Variants in NFYB observed in about 807,000 individuals in gnomAD.
NFYB encodes the protein CAAT box DNA-binding protein subunit B.
A neutral mutation model predicts 28.0 loss-of-function variants in NFYB; 13 were observed. The ratio of observed to expected loss-of-function variants is 0.46; its 90% CI spans 0.30 to 0.74. The LOEUF (loss-of-function observed/expected upper bound fraction) is 0.74. NFYB is among the 30% of genes least tolerant of loss of function. The pLI is 0.07. For missense variants in NFYB, 142 were observed against 247.6 expected (o/e 0.57, Z 2.86); for synonymous variants, 74 against 75.0 (o/e 0.99, Z 0.07).
chr12:104,123,702 G>C (rs2030570145), intron 4 of NFYB, among the ~76,000 whole-genome samples: 1 of 152,172 alleles, frequency 6.6e-6, no homozygotes, highest in Non-Finnish European at 1.5e-5. Flanking sequence ...ACTCATGCCT[G>C]TAATCCCAGC....
chr12:104,123,117 A>G, intron 5 of NFYB, 109 bp downstream of exon 5: 2 of 777,074 alleles, frequency 2.6e-6, no homozygotes, highest in Non-Finnish European at 4.1e-6. Context: ...CAGAGGTTGC[A>G]GTGAGCCGAG....
intron 4 of NFYB, 110 bp downstream of exon 4, chr12:104,126,004 T>C: frequency 8.6e-7 from 1 of 1,157,560 alleles, no homozygotes; most frequent in Non-Finnish European, 1.2e-6. Flanking sequence ...TTTGATTTGC[T>C]GAAAGCCTGA....
rs984327446 is a variant in NFYB at position 104,118,778 on chromosome 12, CA to C, written c.*958del. The C allele has an allele frequency of 9.9e-5, 15 of 152,072 alleles. No homozygotes were observed. The highest frequency in any genetic ancestry group is 2.4e-5 in the African/African-American group (1 of 41,394). 9.4% of individuals were successfully genotyped at this position (152,072 alleles called of 1,614,324 possible). The stretch of plus-strand genomic sequence containing the variant: ...CACTCACCCATGCAAAAGGTCTGTA[CA>C]CGCAATGATGTCTGATGTTTCTTGG... On this transcript the variant is annotated 3_prime_UTR_variant, in exon 8 of 8. Coordinates refer to ENST00000240055, the MANE Select transcript of NFYB (RefSeq NM_006166.4).
intron 5 of NFYB, among the ~76,000 whole-genome samples, chr12:104,122,888 A>G (rs1056977393): frequency 1.3e-5 from 2 of 152,158 alleles, no homozygotes; most frequent in Non-Finnish European, 2.9e-5. Flanking sequence ...TAAAAGCACA[A>G]TGGGGGCCGG....
chr12:104,123,285 T>C lies in NFYB; in HGVS notation c.370A>G (p.Thr124Ala). The change falls in exon 5 of 8, where the codon ACT (threonine) becomes GCT (alanine). Residue 124 changes from threonine to alanine, a missense_variant. Around this residue, in one of 2 missense-constraint regions of NFYB, gnomAD observed 88 missense variants for 189.5 expected, o/e 0.46. Transcript: ENST00000240055. ...NGEDILFAMSTLGFDSYVEPL... is the reference protein window; with the variant it reads ...NGEDILFAMSALGFDSYVEPL... ...TCCACATAACTGTCAAAGCCTAAAG[T>C]AGACATAGCAAAGAGAATATCTTCT... The C allele has an allele frequency of 6.2e-7, 1 of 1,614,128 alleles. No individual in the cohort carries two copies. Among genetic ancestry groups the C allele is most frequent in the Non-Finnish European group, 8.5e-7 (1 of 1,179,994 alleles).
At chr12:104,137,612 C>T (rs1376351609) in intron 1 of NFYB, 1 of 151,582 alleles carries the variant, frequency 6.6e-6, no homozygotes, top group Admixed American at 6.6e-5. Flanking sequence ...CTGCCTCCCA[C>T]CCGCCGCGCG....
rs554254327 is a variant in NFYB at position 104,132,898 on chromosome 12, G to A, written c.6+2550C>T. Among the ~76,000 whole-genome samples the A allele has an allele frequency of 1.3e-4, 20 of 152,286 alleles. No homozygotes were observed. In the South Asian group the frequency reaches 1.7e-3, roughly 13 times the overall value. On this transcript the variant is annotated intron_variant, in intron 2 of 7. Coordinates refer to ENST00000240055, the MANE Select transcript of NFYB (RefSeq NM_006166.4). The stretch of plus-strand genomic sequence containing the variant: ...ATGTAGGATAATGACAAGGGGACAC[G>A]GACAGTGATGAATCGTTAGACTCAA...
At chr12:104,137,730 G>T (rs888804271) in intron 1 of NFYB, 9 of 147,938 alleles carry the variant, frequency 6.1e-5, no homozygotes, top group Admixed American at 2.7e-4. Context: ...ACGGGGCCAG[G>T]GCCCGGGCCG....
Position 104,125,519 on chromosome 12 carries a change from A to C in NFYB, c.231+595T>G, listed in dbSNP as rs920457586. On this transcript the variant is annotated intron_variant, in intron 4 of 7. Coordinates refer to ENST00000240055, the MANE Select transcript of NFYB (RefSeq NM_006166.4). The stretch of plus-strand genomic sequence containing the variant: ...AAAAAAAAAAGTTACAGCTTCATAC[A>C]CCCAAACCTGATAGTTCTGACAACG... 5.3e-5 allele frequency among the ~76,000 whole-genome samples: 8 copies of C among 150,886 alleles called. No homozygotes were observed. In the East Asian group the frequency reaches 7.8e-4, roughly 15 times the overall value.
intron 3 of NFYB, among the ~76,000 whole-genome samples, chr12:104,127,353 T>C (rs2030752682): frequency 6.6e-6 from 1 of 151,864 alleles, no homozygotes; most frequent in African/African-American, 2.4e-5. Context: ...AGGCAGATCA[T>C]CTGAGGTCAC....
chr12:104,123,954 C>T (rs752672174), intron 4 of NFYB, among the ~76,000 whole-genome samples: 1 of 152,016 alleles, frequency 6.6e-6, no homozygotes, highest in African/African-American at 2.4e-5. Context: ...AAGAGCGAGA[C>T]TCCGTCTCAA....
In NFYB at chr12:104,117,984, GA is replaced by G. The variant is rs2030324645; in HGVS notation, c.*1752del. On this transcript the variant is annotated 3_prime_UTR_variant, in exon 8 of 8. Coordinates refer to ENST00000240055, the MANE Select transcript of NFYB (RefSeq NM_006166.4). The stretch of plus-strand genomic sequence containing the variant: ...TCAGTGAAGTGCTGTTTATAACTGT[GA>G]AAAGATGTAAATAGTCAAAATATCC... 6.6e-6 allele frequency: 1 copy of G among 152,146 alleles called. No homozygotes were observed. Among genetic ancestry groups the G allele is most frequent in the African/African-American group, 2.4e-5 (1 of 41,434 alleles). 9.4% of individuals were successfully genotyped at this position (152,146 alleles called of 1,614,324 possible).
At chr12:104,137,812 C>G (rs1285868473) in intron 1 of NFYB, 1 of 147,408 alleles carries the variant, frequency 6.8e-6, no homozygotes, top group African/African-American at 2.4e-5. Context: ...AGCGGGGCCC[C>G]GACGCAGCCC....
intron 1 of NFYB, 136 bp downstream of exon 1, chr12:104,138,005 C>T (rs992135315): frequency 2.7e-5 from 4 of 145,790 alleles, no homozygotes; most frequent in African/African-American, 4.9e-5. Flanking sequence ...TCGGCCCGCG[C>T]GGGAGGGCGG....
rs1315363842 is a variant in NFYB at position 104,126,132 on chromosome 12, G to A, written c.213C>T (p.Ala71=). 12 of 1,584,788 alleles carry A rather than the reference G, an allele frequency of 7.6e-6. No individual in the cohort carries two copies. Among genetic ancestry groups the A allele is most frequent in the Non-Finnish European group, 9.4e-6 (11 of 1,170,340 alleles). ...ACGTTACCTTTCCCGTTTGAGGTAT[G>A]GCATTTTTCATTATCCTAGCCACGT... ...IANVARIMKN[A]IPQTGKIAKD... The change falls in exon 4 of 8, where the codon GCC becomes GCT. Residue 71 remains alanine (A), a synonymous_variant. Transcript: ENST00000240055.
chr12:104,137,351 C>T (rs888379924), intron 1 of NFYB: 1 of 152,288 alleles, frequency 6.6e-6, no homozygotes, highest in African/African-American at 2.4e-5. Flanking sequence ...AAACCTTAGT[C>T]CAATCCGAAG....
intron 1 of NFYB, chr12:104,137,668 C>G (rs1458126669): frequency 1.3e-5 from 2 of 149,668 alleles, no homozygotes; most frequent in African/African-American, 2.4e-5. Context: ...CCCGCCACAG[C>G]CCCGCGGGCG....
In NFYB at chr12:104,119,358, C is replaced by A. The variant is rs2030379327; in HGVS notation, c.*379G>T. 1 of 157,384 alleles carries A rather than the reference C, an allele frequency of 6.4e-6. No homozygotes were observed. Among genetic ancestry groups the A allele is most frequent in the South Asian group, 2.0e-4 (1 of 4,940 alleles). The allele number at this position is 157,384 out of a possible 1,614,324, so 9.7% of individuals were successfully genotyped here. ...CCTTATATTTTATTAAAAGGGCAAA[C>A]ATCATGAATTAACCCAGCCGCTTAC... On this transcript the variant is annotated 3_prime_UTR_variant, in exon 8 of 8. Transcript: ENST00000240055.
Position 104,128,339 on chromosome 12 carries a change from G to A in NFYB, c.100+85C>T, listed in dbSNP as rs12099872. ...TGTAAATTTTCCTATAAAGACACAA[G>A]TAGCCTAGAACACCATATTAATGAA... On this transcript the variant is annotated intron_variant, in intron 3 of 7. Transcript: ENST00000240055. The A allele has an allele frequency of 1.3e-4, 108 of 861,844 alleles. No individual in the cohort carries two copies. In the African/African-American group the frequency reaches 1.5e-3, roughly 12 times the overall value. The allele number at this position is 861,844 out of a possible 1,614,324, so 53.4% of individuals were successfully genotyped here.
Sources: gnomAD v4.1 joint callset for allele counts (sites outside exome capture counted in the v4.1 genomes callset) on GRCh38, gnomAD v4.1.1 for gene constraint, gnomAD v4.1.1 regional missense constraint, MANE v1.5 for transcripts, NCBI Gene and HGNC (gene_info 2026-07-23, HGNC 2026-07-21) for gene names.